Variants in AUTS2 observed in about 807,000 individuals in gnomAD.
AUTS2 encodes the protein autism susceptibility gene 2 protein.
Under a neutral mutation model 112.4 loss-of-function variants are expected in AUTS2, and 17 were observed. That is an observed-to-expected ratio of 0.15 (90% confidence interval 0.10 to 0.23). The LOEUF (loss-of-function observed/expected upper bound fraction) is 0.23, where lower values mean the gene tolerates loss of function less well. Ranked by LOEUF, AUTS2 falls within the 10% of genes least tolerant of loss-of-function variation. The pLI is 1.00. For missense variants in AUTS2, 1,510 were observed against 1,701.6 expected, an observed-to-expected ratio of 0.89 and a Z score of 1.98; for synonymous variants, 751 against 702.7, an observed-to-expected ratio of 1.07 and a Z score of -1.09.
At chr7:69,636,270 G>A (rs938580950) in intron 1 of AUTS2, among the ~76,000 whole-genome samples, 3 of 152,178 alleles carry the variant, frequency 2.0e-5, no homozygotes, top group Non-Finnish European at 4.4e-5. Context: ...TCAATCTGTC[G>A]CCCAGGCTGG....
At chr7:70,379,045 CT>C (rs941936116) in intron 4 of AUTS2, among the ~76,000 whole-genome samples, 12 of 151,140 alleles carry the variant, frequency 7.9e-5, no homozygotes, top group East Asian at 3.9e-4. Context: ...AATTTCATGG[CT>C]TTTTTTTTAA....
At chr7:70,240,453 T>C (rs1415212515) in intron 4 of AUTS2, among the ~76,000 whole-genome samples, 1 of 152,218 alleles carries the variant, frequency 6.6e-6, no homozygotes, top group African/African-American at 2.4e-5. Context: ...AGTACACTTA[T>C]AATCTTAAGG....
chr7:70,065,216 T>C (rs1165143071), intron 2 of AUTS2, among the ~76,000 whole-genome samples: 1 of 152,132 alleles, frequency 6.6e-6, no homozygotes, highest in Non-Finnish European at 1.5e-5. Flanking sequence ...TTTGGTGATA[T>C]ATTAGATTAT....
intron 4 of AUTS2, among the ~76,000 whole-genome samples, chr7:70,378,504 T>A (rs1436583733): frequency 6.6e-6 from 1 of 152,222 alleles, no homozygotes; most frequent in Non-Finnish European, 1.5e-5. Flanking sequence ...AGCTCTTATG[T>A]GAATTAATTT....
chr7:70,723,545 TCAGA>T (rs1205180652), intron 6 of AUTS2, among the ~76,000 whole-genome samples: 1 of 151,824 alleles, frequency 6.6e-6, no homozygotes, highest in East Asian at 2.0e-4. Flanking sequence ...TCTTTTTGAG[TCAGA>T]CAGACAGCAG....
chr7:69,694,816 C>A (rs1038731701), intron 1 of AUTS2, among the ~76,000 whole-genome samples: 2 of 152,142 alleles, frequency 1.3e-5, no homozygotes, highest in African/African-American at 2.4e-5. Flanking sequence ...TATAGTTTGA[C>A]TGTAGGTATG....
chr7:70,742,000 A>G (rs1028036704), intron 6 of AUTS2, among the ~76,000 whole-genome samples: 1 of 152,202 alleles, frequency 6.6e-6, no homozygotes, highest in South Asian at 2.1e-4. Context: ...TACTTTTTGC[A>G]GACAAAATTG....
chr7:69,926,469 A>G (rs1297162749), intron 2 of AUTS2, among the ~76,000 whole-genome samples: 3 of 151,494 alleles, frequency 2.0e-5, no homozygotes, highest in Admixed American at 6.6e-5. Context: ...CTATCTATCT[A>G]TCTATCTATC....
intron 1 of AUTS2, among the ~76,000 whole-genome samples, chr7:69,696,213 G>A (rs1321276045): frequency 1.3e-5 from 2 of 152,150 alleles, no homozygotes; most frequent in Admixed American, 1.3e-4. Context: ...CAGCTGCATA[G>A]GCTCAAGAGG....
rs371438494 is a variant in AUTS2 at position 70,705,203 on chromosome 7, C to T, written c.742+6583C>T. On this transcript the variant is annotated intron_variant, in intron 6 of 18. Coordinates refer to ENST00000342771, the MANE Select transcript of AUTS2 (RefSeq NM_015570.4). Reference sequence around the variant, plus strand: ...CCTGTGCATAAGTCAAATACACTCTCGTCTGGAATTTATTTAACAGAATTT... The same window carrying T: ...CCTGTGCATAAGTCAAATACACTCTTGTCTGGAATTTATTTAACAGAATTT... 1.6e-4 allele frequency among the ~76,000 whole-genome samples: 24 copies of T among 152,274 alleles called. No homozygotes were observed. The East Asian group carries it at 4.6e-3, about 29-fold the overall frequency.
intron 4 of AUTS2, among the ~76,000 whole-genome samples, chr7:70,295,626 T>C: frequency 6.6e-6 from 1 of 152,138 alleles, no homozygotes; most frequent in East Asian, 1.9e-4. Context: ...CTCAACTCTA[T>C]TGAGTTACTC....
chr7:70,378,112 A>G (rs1234924422), intron 4 of AUTS2, among the ~76,000 whole-genome samples: 2 of 152,164 alleles, frequency 1.3e-5, no homozygotes, highest in African/African-American at 2.4e-5. Flanking sequence ...TGTTGGCAGC[A>G]TGTGTCAGAA....
At chr7:70,543,554 A>C (rs1334927024) in intron 5 of AUTS2, among the ~76,000 whole-genome samples, 1 of 151,944 alleles carries the variant, frequency 6.6e-6, no homozygotes, top group Non-Finnish European at 1.5e-5. Flanking sequence ...AAAAGGTTAA[A>C]AATGCCAAGC....
intron 5 of AUTS2, among the ~76,000 whole-genome samples, chr7:70,633,745 A>G (rs1805395449): frequency 6.6e-6 from 1 of 152,132 alleles, no homozygotes; most frequent in South Asian, 2.1e-4. Flanking sequence ...TGAACCGTCT[A>G]TTAAATAATG....
chr7:70,709,481 C>A (rs570146054), intron 6 of AUTS2, among the ~76,000 whole-genome samples: 1 of 151,972 alleles, frequency 6.6e-6, no homozygotes, highest in African/African-American at 2.4e-5. Flanking sequence ...GAGGCCGAGG[C>A]GGGCGGATCA....
At position 69,992,740 on chromosome 7, in the gene AUTS2, C is replaced by A. The variant is rs1798788857; in HGVS notation, c.522+93242C>A. On this transcript the variant is annotated intron_variant, in intron 2 of 18. Transcript: ENST00000342771. ...CTCTACAGAAAAATGAAAACATAAG[C>A]CAGACATGGTGGTGTGCGCCTGTAG... 2.0e-5 allele frequency among the ~76,000 whole-genome samples: 3 copies of A among 152,068 alleles called. No individual in the cohort carries two copies. In the South Asian group the frequency reaches 6.2e-4, roughly 31 times the overall value.
chr7:70,736,452 G>A (rs1022067495), intron 6 of AUTS2, among the ~76,000 whole-genome samples: 1 of 152,220 alleles, frequency 6.6e-6, no homozygotes, highest in Non-Finnish European at 1.5e-5. Context: ...AGGGGGTCAG[G>A]TGTAGATATT....
At chr7:70,149,587 C>G (rs916770510) in intron 4 of AUTS2, among the ~76,000 whole-genome samples, 15 of 151,922 alleles carry the variant, frequency 9.9e-5, no homozygotes, top group Non-Finnish European at 2.9e-5. Flanking sequence ...CTCTTATGCA[C>G]CTTCATAAAT....
chr7:69,827,840 G>A (rs1791321986), intron 1 of AUTS2, among the ~76,000 whole-genome samples: 1 of 152,148 alleles, frequency 6.6e-6, no homozygotes, highest in African/African-American at 2.4e-5. Flanking sequence ...GCAGCACTGT[G>A]GCCAGTGAAT....
Sources: allele counts gnomAD v4.1 joint callset (sites outside exome capture counted in the v4.1 genomes callset), GRCh38; gene constraint gnomAD v4.1.1; transcripts MANE v1.5; gene names NCBI Gene and HGNC (gene_info 2026-07-23, HGNC 2026-07-21).